Variants in TBC1D22A observed in about 807,000 individuals in gnomAD.
TBC1D22A encodes the protein TBC1 domain family member 22A, also known as putative GTPase activator.
A neutral mutation model predicts 60.2 loss-of-function variants in TBC1D22A; 38 were observed. That is an observed-to-expected ratio of 0.63 (90% CI 0.49 to 0.83). The LOEUF (loss-of-function observed/expected upper bound fraction) is 0.83. Ranked by LOEUF, TBC1D22A falls within the 40% of genes least tolerant of loss-of-function variation. The pLI is 0.00. For synonymous variants in TBC1D22A, 302 were observed against 281.7 expected (o/e 1.07, Z -0.72); for missense variants, 628 against 701.0 (o/e 0.90, Z 1.18).
intron 7 of TBC1D22A, among the ~76,000 whole-genome samples, chr22:46,906,860 G>C (rs758635660): frequency 2.6e-5 from 4 of 151,324 alleles, no homozygotes; most frequent in Non-Finnish European, 1.5e-5. Flanking sequence ...GTGCACTTGT[G>C]CCTCTGTGTG....
At chr22:47,051,452 G>T (rs115306883) in intron 11 of TBC1D22A, among the ~76,000 whole-genome samples, 2,081 of 152,262 alleles carry the variant, frequency 0.014, 44 homozygotes, top group African/African-American at 0.047. Flanking sequence ...GTGCTCTCTG[G>T]ATCCTCCTGG....
intron 8 of TBC1D22A, among the ~76,000 whole-genome samples, chr22:46,949,150 T>A (rs2072739966): frequency 6.6e-6 from 1 of 152,190 alleles, no homozygotes; most frequent in Admixed American, 6.5e-5. Flanking sequence ...TTGTGTCGCA[T>A]TTTGCTTCTC....
intron 10 of TBC1D22A, among the ~76,000 whole-genome samples, chr22:46,999,754 G>A (rs1237454190): frequency 1.3e-5 from 2 of 152,210 alleles, no homozygotes; most frequent in African/African-American, 2.4e-5. Context: ...GGCCGGGCGC[G>A]GTGGCTCACG....
chr22:46,830,992 C>T (rs1295326603), intron 4 of TBC1D22A, among the ~76,000 whole-genome samples: 2 of 151,754 alleles, frequency 1.3e-5, no homozygotes, highest in East Asian at 1.9e-4. Flanking sequence ...CTCAGGGTCC[C>T]AGTGAGTCAT....
At chr22:47,121,213 C>G (rs5766681) in intron 12 of TBC1D22A, among the ~76,000 whole-genome samples, 38,950 of 152,208 alleles carry the variant, frequency 0.26, 6,482 homozygotes, top group East Asian at 0.6. Context: ...ATAAGCACCG[C>G]TTTTAGCGAG....
chr22:47,160,736 CG>C (rs2067947641), intron 12 of TBC1D22A, among the ~76,000 whole-genome samples: 2 of 152,204 alleles, frequency 1.3e-5, no homozygotes, highest in South Asian at 4.1e-4. Flanking sequence ...ACACCTGACA[CG>C]ACCAAGCCAC....
At chr22:46,930,837 A>C (rs1164067312) in intron 8 of TBC1D22A, among the ~76,000 whole-genome samples, 1 of 152,114 alleles carries the variant, frequency 6.6e-6, no homozygotes, top group Non-Finnish European at 1.5e-5. Flanking sequence ...ATGTGGGATT[A>C]TGGGGATGAA....
intron 8 of TBC1D22A, among the ~76,000 whole-genome samples, chr22:46,942,281 G>T (rs534133388): frequency 6.6e-6 from 1 of 152,100 alleles, no homozygotes; most frequent in South Asian, 2.1e-4. Context: ...TTCATTCTGA[G>T]CAGTAAATAG....
chr22:47,098,929 G>C (rs975538472), intron 11 of TBC1D22A, among the ~76,000 whole-genome samples: 1 of 152,222 alleles, frequency 6.6e-6, no homozygotes, highest in African/African-American at 2.4e-5. Context: ...GGGGCAGTCA[G>C]GTGCTGTTGT....
At chr22:47,099,789 C>T (rs574787531) in intron 11 of TBC1D22A, among the ~76,000 whole-genome samples, 54 of 152,300 alleles carry the variant, frequency 3.5e-4, no homozygotes, top group African/African-American at 1.3e-3. Flanking sequence ...GTGGCTCTGC[C>T]AGGTCTCACA....
chr22:46,805,980 G>A (rs1305900511), intron 4 of TBC1D22A, among the ~76,000 whole-genome samples: 1 of 150,220 alleles, frequency 6.7e-6, no homozygotes, highest in Non-Finnish European at 1.5e-5. Flanking sequence ...AACCTCCTGA[G>A]TAGCTGGGAT....
chr22:47,093,322 G>A (rs1429379853), intron 11 of TBC1D22A, among the ~76,000 whole-genome samples: 1 of 152,096 alleles, frequency 6.6e-6, no homozygotes, highest in African/African-American at 2.4e-5. Flanking sequence ...TCTCTCCTCA[G>A]GCCCTTGCTA....
At chr22:47,112,732 C>T (rs1047442326) in intron 12 of TBC1D22A, among the ~76,000 whole-genome samples, 11 of 152,198 alleles carry the variant, frequency 7.2e-5, no homozygotes, top group Admixed American at 2.0e-4. Context: ...GCCTTTTTGT[C>T]AGTGTGGGGC....
At chr22:46,779,468 A>G (rs2083846346) in intron 1 of TBC1D22A, among the ~76,000 whole-genome samples, 1 of 152,148 alleles carries the variant, frequency 6.6e-6, no homozygotes, top group African/African-American at 2.4e-5. Context: ...CATGTTGGCC[A>G]GGCTGGTCTC....
chr22:46,913,212 C>G (rs560626834), intron 8 of TBC1D22A: 1 of 588,762 alleles, frequency 1.7e-6, no homozygotes, highest in South Asian at 1.9e-5. Context: ...ATGGATAAAA[C>G]ATAAATAGGA....
chr22:47,098,067 A>C lies in TBC1D22A; in HGVS notation c.1330-13441A>C, dbSNP rs374944834. ...AATTTACTGGACGTAGTAAAGAAAA[A>C]AAAAAGAAAAAGAAAAAAAATCAGG... On this transcript the variant is annotated intron_variant, in intron 11 of 12. Transcript: ENST00000337137. Among the ~76,000 whole-genome samples, 126 of 152,306 alleles carry C rather than the reference A, an allele frequency of 8.3e-4. 1 individual carries two copies. Among genetic ancestry groups the C allele is most frequent in the African/African-American group, 2.9e-3 (122 of 41,562 alleles).
intron 4 of TBC1D22A, among the ~76,000 whole-genome samples, chr22:46,856,692 A>G (rs2087587458): frequency 6.6e-6 from 1 of 152,180 alleles, no homozygotes; most frequent in South Asian, 2.1e-4. Context: ...TTTCCTTGCT[A>G]TAGACTTTGA....
chr22:46,925,015 C>T (rs1029617817), intron 8 of TBC1D22A, among the ~76,000 whole-genome samples: 2 of 152,152 alleles, frequency 1.3e-5, no homozygotes, highest in African/African-American at 4.8e-5. Context: ...TTTCCATTAT[C>T]GGAGTATTGA....
At chr22:47,158,049 C>A (rs1267021186) in intron 12 of TBC1D22A, among the ~76,000 whole-genome samples, 2 of 152,192 alleles carry the variant, frequency 1.3e-5, no homozygotes, top group East Asian at 1.9e-4. Context: ...ATCCTTGCAC[C>A]CCCACCCCTG....
Sources: allele counts gnomAD v4.1 joint callset (sites outside exome capture counted in the v4.1 genomes callset), GRCh38; gene constraint gnomAD v4.1.1; transcripts MANE v1.5; gene names NCBI Gene and HGNC (gene_info 2026-07-23, HGNC 2026-07-21).